Variants in SGK3 observed in about 807,000 individuals in gnomAD.
SGK3 encodes the protein serum/glucocorticoid regulated kinase family member 3, also known as serine/threonine-protein kinase Sgk3.
A neutral mutation model predicts 68.5 loss-of-function variants in SGK3; 47 were observed. That is an observed-to-expected ratio of 0.69 (90% CI 0.54 to 0.87). The LOEUF is 0.87. SGK3 is among the 40% of genes least tolerant of loss of function. The pLI, the probability that SGK3 is intolerant of heterozygous loss-of-function variation, is 0.00. For synonymous variants in SGK3, 181 were observed against 189.1 expected (o/e 0.96, Z 0.35); for missense variants, 479 against 575.5 (o/e 0.83, Z 1.72).
At position 66,831,291 on chromosome 8, in the gene SGK3, G is replaced by A; in HGVS notation, c.505G>A (p.Gly169Arg). Residue 169 changes from glycine (G) to arginine (R), a missense_variant, in exon 8 of 17, where the codon GGA (glycine) becomes AGA (arginine). Around this residue, in one of 3 missense-constraint regions of SGK3, gnomAD observed 298 missense variants for 329.4 expected, o/e 0.90. Coordinates refer to ENST00000521198, the MANE Select transcript of SGK3 (RefSeq NM_001033578.3). ...TGACTTTGATTTCTTAAAAGTTATT[G>A]GAAAAGGCAGCTTTGGCAAGGTAAG... ...PTDFDFLKVI[G>R]KGSFGKVLLA... 6.2e-7 allele frequency: 1 copy of A among 1,613,794 alleles called. No individual in the cohort carries two copies. The highest frequency in any genetic ancestry group is 8.5e-7 in the Non-Finnish European group (1 of 1,179,932).
At chr8:66,718,157 C>T (rs1411027134) in intron 1 of SGK3, among the ~76,000 whole-genome samples, 1 of 151,846 alleles carries the variant, frequency 6.6e-6, no homozygotes, top group Non-Finnish European at 1.5e-5. Flanking sequence ...TCCGAAGTAG[C>T]TGGGACTACA....
At chr8:66,721,676 C>T (rs1804797164) in intron 1 of SGK3, among the ~76,000 whole-genome samples, 1 of 147,412 alleles carries the variant, frequency 6.8e-6, no homozygotes, top group East Asian at 1.9e-4. Context: ...AAATTTAAAG[C>T]TATTTATAAT....
intron 2 of SGK3, among the ~76,000 whole-genome samples, chr8:66,794,303 A>G (rs972590984): frequency 5.3e-5 from 8 of 152,202 alleles, no homozygotes; most frequent in Admixed American, 5.2e-4. Flanking sequence ...TCACTGTAGT[A>G]TCTACTATAG....
At chr8:66,780,138 G>T (rs994830574) in intron 1 of SGK3, among the ~76,000 whole-genome samples, 1 of 152,136 alleles carries the variant, frequency 6.6e-6, no homozygotes, top group African/African-American at 2.4e-5. Context: ...ATTTTATTAA[G>T]ATACCATAGC....
At chr8:66,805,960 T>C (rs1808142159) in intron 4 of SGK3, among the ~76,000 whole-genome samples, 1 of 152,218 alleles carries the variant, frequency 6.6e-6, no homozygotes, top group Non-Finnish European at 1.5e-5. Context: ...CCAGACCATA[T>C]CACTGTGTCC....
intron 10 of SGK3, among the ~76,000 whole-genome samples, chr8:66,839,527 A>ATG (rs1809694550): frequency 1.4e-4 from 9 of 64,258 alleles, no homozygotes; most frequent in Non-Finnish European, 2.9e-4. Flanking sequence ...ATATATATAT[A>ATG]TATATATATA....
At chr8:66,826,151 T>A (rs558137997) in intron 6 of SGK3, among the ~76,000 whole-genome samples, 1 of 152,188 alleles carries the variant, frequency 6.6e-6, no homozygotes, top group Non-Finnish European at 1.5e-5. Flanking sequence ...TTTTGTATTT[T>A]TAGTAGAGAC....
intron 14 of SGK3, 55 bp downstream of exon 14, chr8:66,843,602 G>C: frequency 1.3e-6 from 2 of 1,543,832 alleles, no homozygotes; most frequent in Non-Finnish European, 1.8e-6. Context: ...TTGATTGTCT[G>C]TCTGTCTCTC....
intron 1 of SGK3, among the ~76,000 whole-genome samples, chr8:66,735,765 CT>C (rs1421696653): frequency 2.0e-5 from 3 of 151,830 alleles, no homozygotes; most frequent in Non-Finnish European, 2.9e-5. Flanking sequence ...TTCTTATTTT[CT>C]TTTTTTTCTT....
Position 66,836,869 on chromosome 8 carries a change from T to C in SGK3, c.741+795T>C, listed in dbSNP as rs184257370. Among the ~76,000 whole-genome samples the C allele has an allele frequency of 4.0e-5, 6 of 150,394 alleles. No homozygotes were observed. The East Asian group carries it at 7.9e-4, about 20-fold the overall frequency. ...TCGCTACAGCCTCAACCTCCTCAAA[T>C]TGGATATCTTAAGAGAATTTTTTAA... On this transcript the variant is annotated intron_variant, in intron 10 of 16. Coordinates refer to ENST00000521198, the MANE Select transcript of SGK3 (RefSeq NM_001033578.3).
At chr8:66,802,790 C>T (rs1158675848) in intron 3 of SGK3, among the ~76,000 whole-genome samples, 1 of 151,942 alleles carries the variant, frequency 6.6e-6, no homozygotes, top group Non-Finnish European at 1.5e-5. Flanking sequence ...AATTATCAAA[C>T]ACATACAGAA....
intron 1 of SGK3, chr8:66,777,951 G>C (rs916040695): frequency 6.6e-6 from 1 of 152,200 alleles, no homozygotes; most frequent in Admixed American, 6.5e-5. Flanking sequence ...TCTCCGATGT[G>C]GGCAGGGATT....
intron 1 of SGK3, among the ~76,000 whole-genome samples, chr8:66,762,836 A>C (rs919317551): frequency 2.0e-5 from 3 of 152,214 alleles, no homozygotes; most frequent in African/African-American, 7.2e-5. Flanking sequence ...TTGCATCCCT[A>C]TGATGTCATT....
intron 6 of SGK3, among the ~76,000 whole-genome samples, chr8:66,824,625 A>G (rs1808979357): frequency 6.6e-6 from 1 of 152,210 alleles, no homozygotes; most frequent in African/African-American, 2.4e-5. Flanking sequence ...TGCAAATGGA[A>G]TAATCCACAC....
At chr8:66,816,371 A>C (rs1224828511) in intron 5 of SGK3, among the ~76,000 whole-genome samples, 2 of 115,558 alleles carry the variant, frequency 1.7e-5, no homozygotes, top group African/African-American at 7.1e-5. Flanking sequence ...TGTGAGACGG[A>C]GTCTTGCTCT....
intron 16 of SGK3, among the ~76,000 whole-genome samples, chr8:66,857,571 T>C (rs927922698): frequency 5.9e-5 from 9 of 151,678 alleles, no homozygotes; most frequent in African/African-American, 1.9e-4. Context: ...TGCTTGAGCC[T>C]AGGAGTTCAA....
chr8:66,717,734 C>A (rs981256387), intron 1 of SGK3, among the ~76,000 whole-genome samples: 6 of 151,928 alleles, frequency 3.9e-5, no homozygotes, highest in African/African-American at 1.5e-4. Flanking sequence ...GACAGAATCT[C>A]GCTGTCTTGC....
chr8:66,788,066 C>A (rs1807282416), intron 1 of SGK3, among the ~76,000 whole-genome samples: 1 of 152,218 alleles, frequency 6.6e-6, no homozygotes, highest in African/African-American at 2.4e-5. Flanking sequence ...CATCCATAAA[C>A]AAGCGTGCCT....
chr8:66,746,681 G>C (rs1805663770), intron 1 of SGK3, among the ~76,000 whole-genome samples: 1 of 151,898 alleles, frequency 6.6e-6, no homozygotes, highest in Admixed American at 6.6e-5. Flanking sequence ...AGCTTCCTGA[G>C]TGACTGGGAC....
Sources: gnomAD v4.1 joint callset for allele counts (sites outside exome capture counted in the v4.1 genomes callset) on GRCh38, gnomAD v4.1.1 for gene constraint, gnomAD v4.1.1 regional missense constraint, MANE v1.5 for transcripts, NCBI Gene and HGNC (gene_info 2026-07-23, HGNC 2026-07-21) for gene names.